TRPV1: variants seen among roughly 807,000 people sequenced by gnomAD.
TRPV1 encodes OTRPC1.
Under a neutral mutation model 82.3 loss-of-function variants are expected in TRPV1, and 82 were observed. The observed-to-expected ratio is 1.00, with a 90% CI of 0.83 to 1.20. TRPV1 has a LOEUF of 1.20. Among genes scored for constraint, TRPV1 ranks in the 50% most tolerant of loss-of-function variants. TRPV1 has a pLI of 0.00. For synonymous variants in TRPV1, 515 were observed against 467.7 expected, an observed-to-expected ratio of 1.10 and a Z score of -1.30; for missense variants, 1,067 against 1,096.8, an observed-to-expected ratio of 0.97 and a Z score of 0.38.
At chr17:3,572,272 G>C in intron 14 of TRPV1, 23 bp from the exon 15 acceptor site, 1 of 1,588,998 alleles carries the variant, frequency 6.3e-7, no homozygotes, top group Non-Finnish European at 8.6e-7. Flanking sequence ...ACCAAGGGCA[G>C]AGGAGCTGAG....
chr17:3,608,814 T>C (rs940751881), intron 1 of TRPV1: 1 of 152,130 alleles, frequency 6.6e-6, no homozygotes, highest in African/African-American at 2.4e-5. Flanking sequence ...CAAACCAAGC[T>C]CTGCGGCTGT....
intron 2 of TRPV1, among the ~76,000 whole-genome samples, chr17:3,600,853 GCCTTATCTTCT>G (rs2075256695): frequency 6.6e-6 from 1 of 152,076 alleles, no homozygotes; most frequent in African/African-American, 2.4e-5. Flanking sequence ...CCCGTCCGCA[GCCTTATCTTCT>G]CCAGCTCCAC....
intron 7 of TRPV1, chr17:3,588,890 C>G: frequency 3.3e-6 from 5 of 1,535,484 alleles, no homozygotes; most frequent in Non-Finnish European, 3.5e-6. Flanking sequence ...CATATCAGGC[C>G]CACAATCCCC....
At chr17:3,596,730 G>A (rs1185930627) in intron 2 of TRPV1, among the ~76,000 whole-genome samples, 2 of 152,172 alleles carry the variant, frequency 1.3e-5, no homozygotes, top group East Asian at 1.9e-4. Context: ...TCAGCCTCAC[G>A]ACCACCTTTG....
Position 3,583,337 on chromosome 17 carries a change from C to A in TRPV1, c.1476+1G>T, listed in dbSNP as rs201415487. The A allele has an allele frequency of 6.2e-7, 1 of 1,605,966 alleles. No homozygotes were observed. Among genetic ancestry groups the A allele is most frequent in the Non-Finnish European group, 8.5e-7 (1 of 1,175,952 alleles). On this transcript the variant is annotated splice_donor_variant, in intron 10 of 16. Coordinates refer to ENST00000572705, the MANE Select transcript of TRPV1 (RefSeq NM_080704.4). LOFTEE classifies it high-confidence loss of function. The stretch of plus-strand genomic sequence containing the variant: ...CTCACAATGTGGGAAGGAACGCTTA[C>A]CCCTCGGAAAAAGAAGTAGACTCCT...
chr17:3,595,202 C>T (rs941337809), intron 2 of TRPV1, among the ~76,000 whole-genome samples: 10 of 152,148 alleles, frequency 6.6e-5, no homozygotes, highest in Admixed American at 2.0e-4. Context: ...TCTCAGGACT[C>T]GCATTCCTTC....
At chr17:3,595,405 G>A (rs2075210326) in intron 2 of TRPV1, among the ~76,000 whole-genome samples, 1 of 152,064 alleles carries the variant, frequency 6.6e-6, no homozygotes, top group South Asian at 2.1e-4. Flanking sequence ...CTCTTTCTCA[G>A]CAGTTCAACT....
In TRPV1 at chr17:3,581,964, G is replaced by A. The variant is rs1010475885; in HGVS notation, c.1476+1374C>T. ...CCAGCACTTTGGGAGGCCAAGGTGGGCGGATCACGAGGTCAGGAGATCGAG... is the reference window on the plus strand; with the variant it reads ...CCAGCACTTTGGGAGGCCAAGGTGGACGGATCACGAGGTCAGGAGATCGAG... On this transcript the variant is annotated intron_variant, in intron 10 of 16. Transcript: ENST00000572705. Among the ~76,000 whole-genome samples the A allele has an allele frequency of 6.1e-5, 9 of 147,992 alleles. 1 individual carries two copies. The highest frequency in any genetic ancestry group is 4.4e-4 in the South Asian group (2 of 4,590).
At chr17:3,607,570 T>C (rs1409860267) in intron 2 of TRPV1, among the ~76,000 whole-genome samples, 1 of 147,228 alleles carries the variant, frequency 6.8e-6, no homozygotes, top group Non-Finnish European at 1.5e-5. Flanking sequence ...AGAGTCTCGC[T>C]CTGTCACCCA....
At position 3,589,892 on chromosome 17, in the gene TRPV1, A is replaced by G; in HGVS notation, c.959T>C (p.Leu320Pro). The G allele has an allele frequency of 1.2e-6, 2 of 1,608,886 alleles. No individual in the cohort carries two copies. The highest frequency in any genetic ancestry group is 1.7e-6 in the Non-Finnish European group (2 of 1,177,964). ...YNEILMLGAK[L>P]HPTLKLEELT... Reference sequence around the variant, plus strand: ...CTCCTCCAGCTTCAGCGTCGGGTGCAGTTTGGCCCCCAGCATCAGAATCTC... The same window carrying G: ...CTCCTCCAGCTTCAGCGTCGGGTGCGGTTTGGCCCCCAGCATCAGAATCTC... The change falls in exon 7 of 17, where the codon CTG becomes CCG. Residue 320 changes from leucine (L) to proline (P), a missense_variant. Coordinates refer to ENST00000572705, the MANE Select transcript of TRPV1 (RefSeq NM_080704.4).
At chr17:3,568,952 T>C (rs899292090) in intron 16 of TRPV1, among the ~76,000 whole-genome samples, 13 of 152,110 alleles carry the variant, frequency 8.5e-5, no homozygotes, top group African/African-American at 3.1e-4. Context: ...AAATGATGAG[T>C]TCATGTCCTT....
At chr17:3,580,828 C>T (rs1296195853) in intron 10 of TRPV1, among the ~76,000 whole-genome samples, 1 of 152,098 alleles carries the variant, frequency 6.6e-6, no homozygotes, top group Non-Finnish European at 1.5e-5. Context: ...ACCAGCCTGG[C>T]CAACATGGTG....
At chr17:3,582,502 A>T (rs141549184) in intron 10 of TRPV1, among the ~76,000 whole-genome samples, 1 of 152,152 alleles carries the variant, frequency 6.6e-6, no homozygotes, top group Non-Finnish European at 1.5e-5. Context: ...TTCTTTAAAG[A>T]AGCTGAAACT....
At chr17:3,590,142 G>T in intron 6 of TRPV1, 37 bp from the exon 7 acceptor site, 1 of 1,587,940 alleles carries the variant, frequency 6.3e-7, no homozygotes. Context: ...CCTCAGGAGT[G>T]AGATCCAGCT....
Position 3,590,994 on chromosome 17 carries a change from T to C in TRPV1, c.574A>G (p.Asn192Asp), listed in dbSNP as rs2075149641. 2.5e-6 allele frequency: 4 copies of C among 1,609,790 alleles called. No homozygotes were observed. In the East Asian group the frequency reaches 8.9e-5, roughly 36 times the overall value. The change falls in exon 5 of 17, where the codon AAC becomes GAC. Residue 192 changes from asparagine to aspartate, a missense_variant. By Grantham distance (23) the Asn-to-Asp change is conservative (BLOSUM62 1). Coordinates refer to ENST00000572705, the MANE Select transcript of TRPV1 (RefSeq NM_080704.4). The stretch of plus-strand genomic sequence containing the variant: ...TAGTAGCTGTCCGTGTAGCTGGCGT[T>C]GACAAGCTCCTTCAGGCTGTCCGTT... Reference protein sequence around the residue: ...RQTDSLKELVNASYTDSYYKG... With the variant: ...RQTDSLKELVDASYTDSYYKG...
intron 2 of TRPV1, among the ~76,000 whole-genome samples, chr17:3,594,957 G>C (rs1426635280): frequency 6.6e-6 from 1 of 152,188 alleles, no homozygotes; most frequent in Middle Eastern, 3.2e-3. Flanking sequence ...AGGAGGCCGG[G>C]TTAGAACCAG....
chr17:3,589,073 G>A, intron 7 of TRPV1: 1 of 1,031,256 alleles, frequency 9.7e-7, no homozygotes, highest in East Asian at 2.6e-5. Flanking sequence ...ATCACTTGAG[G>A]CCAAGAGCTG....
rs1332531468 is a variant in TRPV1 at position 3,609,294 on chromosome 17, C to T, written c.-173+15G>A. Reference sequence around the variant, plus strand: ...TTGTAAAATGACATTTATAAAGAGACAATATGTTTCATACCTGTCATGGAT... The same window carrying T: ...TTGTAAAATGACATTTATAAAGAGATAATATGTTTCATACCTGTCATGGAT... On this transcript the variant is annotated intron_variant, in intron 1 of 16. Transcript: ENST00000572705. 1 of 149,790 alleles carries T rather than the reference C, an allele frequency of 6.7e-6. No individual in the cohort carries two copies. The highest frequency in any genetic ancestry group is 2.5e-5 in the African/African-American group (1 of 40,544). 9.3% of individuals were successfully genotyped at this position (149,790 alleles called of 1,614,324 possible).
rs1214641418 is a variant in TRPV1 at position 3,566,756 on chromosome 17, C to T, written c.*59G>A. On this transcript the variant is annotated 3_prime_UTR_variant, in exon 17 of 17. Coordinates refer to ENST00000572705, the MANE Select transcript of TRPV1 (RefSeq NM_080704.4). ...GAGCACTGGTGTTCCCTCAGCAGCC[C>T]CCCGTGGCAACGGGGTCTCCTAAGG... The T allele has an allele frequency of 6.3e-7, 1 of 1,576,394 alleles. No individual in the cohort carries two copies. The highest frequency in any genetic ancestry group is 2.2e-5 in the East Asian group (1 of 44,482).
Sources: gnomAD v4.1 joint callset for allele counts (sites outside exome capture counted in the v4.1 genomes callset) on GRCh38, gnomAD v4.1.1 for gene constraint, MANE v1.5 for transcripts, NCBI Gene and HGNC (gene_info 2026-07-23, HGNC 2026-07-21) for gene names.